The following CA10 variants were observed in gnomAD, a reference collection of about 807,000 sequenced individuals.
CA10 encodes the protein carbonic anhydrase 10 (inactive).
In CA10, 14 loss-of-function variants were observed where a neutral mutation model predicts 44.2. The ratio of observed to expected loss-of-function variants is 0.32; its 90% CI spans 0.21 to 0.50. CA10 has a LOEUF of 0.50. Among genes scored for constraint, CA10 ranks in the 20% least tolerant of loss-of-function variants. The probability of loss-of-function intolerance (pLI) is 0.99; values close to 1 mark genes in which losing one functional copy is unlikely to be tolerated. For synonymous variants in CA10, 159 were observed against 141.6 expected (o/e 1.12, Z -0.87); for missense variants, 350 against 409.7 (o/e 0.85, Z 1.26).
At chr17:51,789,334 A>G (rs1212270652) in intron 3 of CA10, among the ~76,000 whole-genome samples, 1 of 152,206 alleles carries the variant, frequency 6.6e-6, no homozygotes, top group East Asian at 1.9e-4. Context: ...GTTTTCTAAT[A>G]AGAGACATTT....
intron 2 of CA10, among the ~76,000 whole-genome samples, chr17:52,022,481 AC>A (rs906125501): frequency 6.6e-6 from 1 of 152,092 alleles, no homozygotes; most frequent in Non-Finnish European, 1.5e-5. Context: ...TCTGTGACAA[AC>A]CCACAGCCAA....
intron 2 of CA10, among the ~76,000 whole-genome samples, chr17:52,001,875 C>T (rs747569684): frequency 2.6e-5 from 4 of 151,928 alleles, no homozygotes; most frequent in South Asian, 2.1e-4. Flanking sequence ...AATGTTACAG[C>T]GAAGTCATTG....
chr17:52,060,554 T>A (rs1263893045), intron 2 of CA10, among the ~76,000 whole-genome samples: 1 of 152,108 alleles, frequency 6.6e-6, no homozygotes, highest in Non-Finnish European at 1.5e-5. Context: ...AAATCTAAAG[T>A]CATCCCAAAA....
intron 4 of CA10, among the ~76,000 whole-genome samples, chr17:51,703,347 A>G (rs755142680): frequency 1.3e-5 from 2 of 152,046 alleles, no homozygotes; most frequent in Non-Finnish European, 2.9e-5. Flanking sequence ...TCTTTCCATG[A>G]TAATATCTTT....
chr17:51,703,493 AT>A (rs1244973607), intron 4 of CA10, among the ~76,000 whole-genome samples: 2 of 151,982 alleles, frequency 1.3e-5, no homozygotes, highest in Non-Finnish European at 2.9e-5. Flanking sequence ...ATAAGGCCTT[AT>A]TCTCTCCCCA....
chr17:52,084,725 A>G (rs1182727821), intron 1 of CA10, among the ~76,000 whole-genome samples: 5 of 152,338 alleles, frequency 3.3e-5, no homozygotes, highest in African/African-American at 1.2e-4. Flanking sequence ...TGGCAAAAAT[A>G]GTGCTACTAA....
In CA10 at chr17:52,087,285, C is replaced by T. The variant is rs1011599016; in HGVS notation, c.62-14892G>A. 8.5e-5 allele frequency among the ~76,000 whole-genome samples: 13 copies of T among 152,276 alleles called. 1 individual carries two copies. Among genetic ancestry groups the T allele is most frequent in the Admixed American group, 2.0e-4 (3 of 15,294 alleles). ...CCTCCTGAGTAGCTGGGATTATAGG[C>T]GTGTGCCACCACACCCGGCTAATTT... On this transcript the variant is annotated intron_variant, in intron 1 of 8. Coordinates refer to ENST00000451037, the MANE Select transcript of CA10 (RefSeq NM_020178.5).
intron 3 of CA10, among the ~76,000 whole-genome samples, chr17:51,920,927 A>G (rs781147681): frequency 2.0e-5 from 3 of 152,208 alleles, no homozygotes; most frequent in Admixed American, 2.0e-4. Context: ...CTCTTTTATA[A>G]CATTCATTTT....
At chr17:52,136,615 T>C (rs1332359914) in intron 1 of CA10, among the ~76,000 whole-genome samples, 1 of 152,162 alleles carries the variant, frequency 6.6e-6, no homozygotes, top group Admixed American at 6.5e-5. Flanking sequence ...CTTTTTTGTG[T>C]GGGTGCTTGA....
Position 52,120,155 on chromosome 17 carries a change from C to G in CA10, c.61+37571G>C, listed in dbSNP as rs370967101. 2.7e-4 allele frequency among the ~76,000 whole-genome samples: 41 copies of G among 152,298 alleles called. No individual in the cohort carries two copies. In the East Asian group the frequency reaches 5.2e-3, roughly 19 times the overall value. ...ACCAGTTATCTGTGTGTGCCAGCAGCCTTGGGATTTTTGAGCTGCCCTTAC... is the reference window on the plus strand; with the variant it reads ...ACCAGTTATCTGTGTGTGCCAGCAGGCTTGGGATTTTTGAGCTGCCCTTAC... On this transcript the variant is annotated intron_variant, in intron 1 of 8. Transcript: ENST00000451037.
At chr17:52,029,318 G>A (rs1986394712) in intron 2 of CA10, among the ~76,000 whole-genome samples, 1 of 152,006 alleles carries the variant, frequency 6.6e-6, no homozygotes, top group Non-Finnish European at 1.5e-5. Context: ...TTCAAGAGAT[G>A]GTATCAAAAC....
chr17:52,023,186 A>G (rs1986195954), intron 2 of CA10, among the ~76,000 whole-genome samples: 1 of 152,098 alleles, frequency 6.6e-6, no homozygotes, highest in Non-Finnish European at 1.5e-5. Flanking sequence ...AGACTTCATC[A>G]CATTACCCAA....
intron 1 of CA10, among the ~76,000 whole-genome samples, chr17:52,151,617 T>G (rs1054243429): frequency 6.6e-6 from 1 of 152,104 alleles, no homozygotes; most frequent in African/African-American, 2.4e-5. Context: ...TTGTTGAACA[T>G]AGAATAAATG....
intron 3 of CA10, among the ~76,000 whole-genome samples, chr17:51,928,582 A>G (rs1348043723): frequency 6.6e-6 from 1 of 152,164 alleles, no homozygotes; most frequent in Non-Finnish European, 1.5e-5. Context: ...ATGCTTGTGG[A>G]TAAAAATGCG....
intron 2 of CA10, among the ~76,000 whole-genome samples, chr17:51,941,462 T>C (rs1983075020): frequency 1.3e-5 from 2 of 152,160 alleles, no homozygotes; most frequent in South Asian, 4.1e-4. Context: ...TAATTACAGG[T>C]GCTTCAGATA....
chr17:51,991,608 G>GA (rs1030968599), intron 2 of CA10, among the ~76,000 whole-genome samples: 38 of 152,236 alleles, frequency 2.5e-4, no homozygotes, highest in African/African-American at 9.1e-4. Flanking sequence ...TCGGGAGTTT[G>GA]AGACAAGCCT....
At chr17:52,153,483 CA>C (rs1043368231) in intron 1 of CA10, among the ~76,000 whole-genome samples, 5 of 152,010 alleles carry the variant, frequency 3.3e-5, no homozygotes. Context: ...ACATGGTTTC[CA>C]GGTAGTTTAG....
chr17:51,869,155 A>C (rs1979692773), intron 3 of CA10, among the ~76,000 whole-genome samples: 1 of 152,180 alleles, frequency 6.6e-6, no homozygotes, highest in Non-Finnish European at 1.5e-5. Context: ...TTCACAAATT[A>C]AGGGTACACA....
At chr17:51,641,024 C>A (rs1459884920) in intron 6 of CA10, among the ~76,000 whole-genome samples, 1 of 151,918 alleles carries the variant, frequency 6.6e-6, no homozygotes. Flanking sequence ...AGTGTTCATG[C>A]ATGTCTCTGC....
Sources: allele counts gnomAD v4.1 joint callset (sites outside exome capture counted in the v4.1 genomes callset), GRCh38; gene constraint gnomAD v4.1.1; transcripts MANE v1.5; gene names NCBI Gene and HGNC (gene_info 2026-07-23, HGNC 2026-07-21).